Variants in DNAI3 observed in about 807,000 individuals in gnomAD.
The protein encoded by DNAI3 is WD repeat domain 63.
A neutral mutation model predicts 115.5 loss-of-function variants in DNAI3; 83 were observed. The observed-to-expected ratio is 0.72, with a 90% CI of 0.60 to 0.86. DNAI3 has a LOEUF of 0.86. DNAI3 is among the 40% of genes least tolerant of loss of function. The pLI, the probability that DNAI3 is intolerant of heterozygous loss-of-function variation, is 0.00. For missense variants in DNAI3, 1,004 were observed against 1,075.8 expected (o/e 0.93, Z 0.93); for synonymous variants, 320 against 347.0 (o/e 0.92, Z 0.86).
At chr1:85,128,289 T>C (rs1047283522) in intron 20 of DNAI3, among the ~76,000 whole-genome samples, 1 of 152,228 alleles carries the variant, frequency 6.6e-6, no homozygotes, top group Non-Finnish European at 1.5e-5. Context: ...TTCTTCTGGA[T>C]GATGGTACCC....
rs561855176 is a variant in DNAI3, at chr1:85,080,267, G to T, written c.104-967G>T. On this transcript the variant is annotated intron_variant, in intron 3 of 22. Transcript: ENST00000294664. The stretch of plus-strand genomic sequence containing the variant: ...GGGGTTTCACTGTATTAGCCAGGAT[G>T]GTCTCGATCTCCTGACCTCGTGATC... Among the ~76,000 whole-genome samples, 74 of 152,026 alleles carry T rather than the reference G, an allele frequency of 4.9e-4. 1 individual carries two copies. The highest frequency in any genetic ancestry group is 1.8e-3 in the African/African-American group (74 of 41,496).
chr1:85,109,981 G>C, intron 15 of DNAI3, 67 bp from the exon 16 acceptor site: 2 of 1,493,220 alleles, frequency 1.3e-6, no homozygotes, highest in Non-Finnish European at 1.9e-6. Context: ...GGAAAGGCAA[G>C]AATAAATTAC....
chr1:85,085,938 C>T lies in DNAI3; in HGVS notation c.648C>T (p.Tyr216=), dbSNP rs1050010941. 6.2e-7 allele frequency: 1 copy of T among 1,614,100 alleles called. No homozygotes were observed. The highest frequency in any genetic ancestry group is 1.1e-5 in the South Asian group (1 of 91,076). Residue 216 remains tyrosine (Y), a synonymous_variant, in exon 7 of 23, where the codon TAC becomes TAT. Coordinates refer to ENST00000294664, the MANE Select transcript of DNAI3 (RefSeq NM_145172.5). ...VKDAYIECTA[Y]PDKNFTLKQL... ...ATGCCTATATTGAATGTACAGCCTA[C>T]CCAGATAAAAATTTTACCCTTAAAC...
At chr1:85,063,821 A>G (rs1429879486) in intron 1 of DNAI3, among the ~76,000 whole-genome samples, 2 of 152,158 alleles carry the variant, frequency 1.3e-5, no homozygotes, top group Non-Finnish European at 2.9e-5. Context: ...TCTAGGGCAG[A>G]GGATTCAGGG....
chr1:85,126,541 C>T lies in DNAI3; in HGVS notation c.2143C>T (p.Pro715Ser), dbSNP rs781590133. The T allele has an allele frequency of 1.2e-6, 2 of 1,614,040 alleles. No individual in the cohort carries two copies. The highest frequency in any genetic ancestry group is 1.7e-6 in the Non-Finnish European group (2 of 1,179,976). ...TGPLLQSCCAPKRYTSGHWSL... is the reference protein window; with the variant it reads ...TGPLLQSCCASKRYTSGHWSL... The stretch of plus-strand genomic sequence containing the variant: ...ACCGCTCCTTCAGTCATGCTGTGCA[C>T]CAAAAAGGTACACCTCAGGCCACTG... Residue 715 changes from proline to serine, a missense_variant, in exon 20 of 23, where the codon CCA becomes TCA. Pro to Ser is a moderately conservative substitution (Grantham distance 74, BLOSUM62 -1). Around this residue, in one of 3 missense-constraint regions of DNAI3, gnomAD observed 429 missense variants for 454.3 expected, o/e 0.94. Coordinates refer to ENST00000294664, the MANE Select transcript of DNAI3 (RefSeq NM_145172.5).
chr1:85,072,153 T>C (rs1368035361), intron 2 of DNAI3, 148 bp downstream of exon 2: 1 of 762,728 alleles, frequency 1.3e-6, no homozygotes, highest in Non-Finnish European at 2.1e-6. Flanking sequence ...TATATGGAGA[T>C]TCATTCTTAC....
At chr1:85,087,642 A>C (rs751586221) in intron 7 of DNAI3, among the ~76,000 whole-genome samples, 2 of 151,940 alleles carry the variant, frequency 1.3e-5, no homozygotes, top group Non-Finnish European at 2.9e-5. Context: ...TATGTTCCCA[A>C]CTCCTAGGAC....
At chr1:85,127,461 G>A (rs958799409) in intron 20 of DNAI3, among the ~76,000 whole-genome samples, 3 of 152,052 alleles carry the variant, frequency 2.0e-5, no homozygotes, top group Non-Finnish European at 2.9e-5. Context: ...AGGCTGAAGT[G>A]CAGTGGTGTG....
Position 85,130,103 on chromosome 1 carries a change from G to T in DNAI3, c.2523G>T (p.Lys841Asn). ...AAGAAATGGAACTAGAAATGGCAAAGAAAAAAGTTGTAAGTTAAATTTCAG... is the reference window on the plus strand; with the variant it reads ...AAGAAATGGAACTAGAAATGGCAAATAAAAAAGTTGTAAGTTAAATTTCAG... ...EKKEMELEMA[K>N]KKVKTYQKSK... Residue 841 changes from lysine (K) to asparagine (N), a missense_variant, in exon 22 of 23, where the codon AAG (lysine) becomes AAT (asparagine). By Grantham distance (94) the Lys-to-Asn change is moderately conservative (BLOSUM62 0). Around this residue, in one of 3 missense-constraint regions of DNAI3, gnomAD observed 429 missense variants for 454.3 expected, o/e 0.94. Coordinates refer to ENST00000294664, the MANE Select transcript of DNAI3 (RefSeq NM_145172.5). 1 of 1,613,184 alleles carries T rather than the reference G, an allele frequency of 6.2e-7. No individual in the cohort carries two copies. The highest frequency in any genetic ancestry group is 8.5e-7 in the Non-Finnish European group (1 of 1,179,620).
intron 13 of DNAI3, among the ~76,000 whole-genome samples, chr1:85,100,339 A>G (rs945520708): frequency 4.6e-5 from 7 of 152,270 alleles, no homozygotes; most frequent in Non-Finnish European, 1.0e-4. Flanking sequence ...TCTCAAAAGA[A>G]GACATTTATG....
chr1:85,110,565 C>T (rs1291997757), intron 16 of DNAI3, among the ~76,000 whole-genome samples: 1 of 151,910 alleles, frequency 6.6e-6, no homozygotes, highest in Non-Finnish European at 1.5e-5. Flanking sequence ...AAAAAGAATA[C>T]AGAAAATCAA....
chr1:85,125,766 G>A (rs901262682), intron 19 of DNAI3, among the ~76,000 whole-genome samples: 1 of 152,128 alleles, frequency 6.6e-6, no homozygotes, highest in Admixed American at 6.5e-5. Context: ...TTGGAGGGTG[G>A]GAGACAGCTC....
intron 6 of DNAI3, 78 bp from the exon 7 acceptor site, chr1:85,085,753 G>A: frequency 1.2e-5 from 15 of 1,210,482 alleles, no homozygotes; most frequent in Non-Finnish European, 1.5e-5. Flanking sequence ...GGCTCTGAGT[G>A]GATCTGAGCA....
rs553544769 is a variant in DNAI3 at position 85,108,661 on chromosome 1, T to C, written c.1698+484T>C. Among the ~76,000 whole-genome samples, 44 of 152,316 alleles carry C rather than the reference T, an allele frequency of 2.9e-4. 1 individual carries two copies. Among genetic ancestry groups the C allele is most frequent in the Non-Finnish European group, 2.9e-5 (2 of 68,010 alleles). On this transcript the variant is annotated intron_variant, in intron 15 of 22. Transcript: ENST00000294664. ...GATTCAGGGGGTACATGTGCAGGTT[T>C]GTCCCATGGTTATATTGTATAATTT...
rs1355183057 is a variant in DNAI3 at position 85,128,816 on chromosome 1, T to C, written c.2409+17T>C. 1.1e-5 allele frequency: 17 copies of C among 1,597,768 alleles called. No homozygotes were observed. Among genetic ancestry groups the C allele is most frequent in the East Asian group, 2.2e-5 (1 of 44,752 alleles). On this transcript the variant is annotated intron_variant, in intron 21 of 22. Coordinates refer to ENST00000294664, the MANE Select transcript of DNAI3 (RefSeq NM_145172.5). ...ACCAATGAGGTTAGTAACTAACTTATGACTTTGAGAATTAATGTGACCAGA... is the reference window on the plus strand; with the variant it reads ...ACCAATGAGGTTAGTAACTAACTTACGACTTTGAGAATTAATGTGACCAGA...
intron 11 of DNAI3, 62 bp downstream of exon 11, chr1:85,096,082 G>A (rs527838724): frequency 1.3e-6 from 2 of 1,484,778 alleles, no homozygotes; most frequent in African/African-American, 2.8e-5. Context: ...AATAAGTTTT[G>A]ACTTGGCAGT....
intron 16 of DNAI3, 22 bp downstream of exon 16, chr1:85,110,157 A>G (rs1284577775): frequency 6.8e-6 from 7 of 1,023,736 alleles, no homozygotes; most frequent in Middle Eastern, 2.4e-4. Flanking sequence ...TGCTTATTTA[A>G]AAAAAAAAAA....
At chr1:85,089,726 AG>A (rs1236065129) in intron 7 of DNAI3, among the ~76,000 whole-genome samples, 1 of 151,828 alleles carries the variant, frequency 6.6e-6, no homozygotes, top group Non-Finnish European at 1.5e-5. Flanking sequence ...ATGTCCCATG[AG>A]GGGGTGAGGT....
chr1:85,123,778 A>G (rs370320332), intron 18 of DNAI3, among the ~76,000 whole-genome samples: 1 of 152,358 alleles, frequency 6.6e-6, no homozygotes, highest in African/African-American at 2.4e-5. Context: ...ATGTTTATTT[A>G]CTAACCATTG....
Sources: gnomAD v4.1 joint callset for allele counts (sites outside exome capture counted in the v4.1 genomes callset) on GRCh38, gnomAD v4.1.1 for gene constraint, gnomAD v4.1.1 regional missense constraint, MANE v1.5 for transcripts, NCBI Gene and HGNC (gene_info 2026-07-23, HGNC 2026-07-21) for gene names.